The following TYMS variants were observed in gnomAD, a reference collection of about 807,000 sequenced individuals.
TYMS encodes thymidylate synthase.
A neutral mutation model predicts 39.3 loss-of-function variants in TYMS; 21 were observed. That is an observed-to-expected ratio of 0.54 (90% CI 0.38 to 0.77). TYMS has a LOEUF of 0.77. Among genes scored for constraint, TYMS ranks in the 30% least tolerant of loss-of-function variants. The probability of loss-of-function intolerance (pLI) is 0.00; values close to 1 mark genes in which losing one functional copy is unlikely to be tolerated. For missense variants in TYMS, 273 were observed against 406.7 expected, an observed-to-expected ratio of 0.67 and a Z score of 2.83; for synonymous variants, 171 against 162.2, an observed-to-expected ratio of 1.05 and a Z score of -0.41.
intron 2 of TYMS, 149 bp from the exon 3 acceptor site, chr18:661,997 G>T: frequency 1.3e-6 from 1 of 766,758 alleles, no homozygotes; most frequent in Admixed American, 2.7e-5. Context: ...ACAAAAAAAA[G>T]GATGGGTTCC....
In TYMS at chr18:658,351, G is replaced by T; in HGVS notation, c.205+404G>T. The stretch of plus-strand genomic sequence containing the variant: ...TTTGGCCCCTCCTCCGTTTTCCCCT[G>T]TGGACCATTCCGCTTCGCAGCGTTT... On this transcript the variant is annotated intron_variant, in intron 1 of 6. Coordinates refer to ENST00000323274, the MANE Select transcript of TYMS (RefSeq NM_001071.4). The surrounding 1 kb of genome is among the most constrained non-coding windows in gnomAD (Gnocchi z 4.5). 2 of 1,318,856 alleles carry T rather than the reference G, an allele frequency of 1.5e-6. No individual in the cohort carries two copies. Among genetic ancestry groups the T allele is most frequent in the Middle Eastern group, 2.3e-4 (1 of 4,368 alleles). 81.7% of individuals were successfully genotyped at this position (1,318,856 alleles called of 1,614,324 possible).
rs2144250886 is a variant in TYMS at position 657,791 on chromosome 18, G to A, written c.49G>A (p.Ala17Thr). 2.7e-6 allele frequency: 4 copies of A among 1,456,496 alleles called. No individual in the cohort carries two copies. Among genetic ancestry groups the A allele is most frequent in the South Asian group, 1.4e-5 (1 of 71,322 alleles). The allele number at this position is 1,456,496 out of a possible 1,614,324, so 90.2% of individuals were successfully genotyped here. ...GCCGCGCCGGCCCTTGCCCCCCGCC[G>A]CACAGGAGCGGGACGCCGAGCCGCG... ...ELPRRPLPPA[A>T]QERDAEPRPP... The change falls in exon 1 of 7, where the codon GCA becomes ACA. Residue 17 changes from alanine (A) to threonine (T), a missense_variant. This residue lies in a region of TYMS where 228 missense variants were observed against 326.1 expected (regional missense o/e 0.70). Coordinates refer to ENST00000323274, the MANE Select transcript of TYMS (RefSeq NM_001071.4).
intron 2 of TYMS, among the ~76,000 whole-genome samples, 177 bp downstream of exon 2, chr18:659,891 G>A (rs1290506095): frequency 6.6e-6 from 1 of 152,068 alleles, no homozygotes; most frequent in Non-Finnish European, 1.5e-5. Context: ...GGCCAACATG[G>A]CGACACCCCA....
In TYMS at chr18:667,346, A is replaced by AGATGGT. The variant is rs1275104027; in HGVS notation, c.455-1714_455-1709dup. On this transcript the variant is annotated intron_variant, in intron 3 of 6. Coordinates refer to ENST00000323274, the MANE Select transcript of TYMS (RefSeq NM_001071.4). ...GTGATGGTGATGGAGATGGTGATGG[A>AGATGGT]GATGGTGATGGTGATGGAGATGGTG... Among the ~76,000 whole-genome samples the AGATGGT allele has an allele frequency of 1.4e-3, 12 of 8,606 alleles. 2 individuals are homozygous for AGATGGT. The highest frequency in any genetic ancestry group is 2.8e-3 in the Admixed American group (2 of 724). 5.6% of individuals were successfully genotyped at this position (8,606 alleles called of 152,430 possible).
At chr18:671,091 C>A in intron 5 of TYMS, 1 of 628,840 alleles carries the variant, frequency 1.6e-6, no homozygotes, top group East Asian at 2.8e-5. Context: ...GTTTGTGATA[C>A]AGCTTCTATG....
intron 2 of TYMS, among the ~76,000 whole-genome samples, chr18:661,429 TC>T (rs1236968211): frequency 6.6e-6 from 1 of 152,242 alleles, no homozygotes; most frequent in Non-Finnish European, 1.5e-5. Flanking sequence ...ATTAGGAATA[TC>T]CTGTATGCCA....
chr18:664,087 A>T (rs2074783574), intron 3 of TYMS, among the ~76,000 whole-genome samples: 1 of 146,820 alleles, frequency 6.8e-6, no homozygotes, highest in Non-Finnish European at 1.5e-5. Flanking sequence ...GATGGCATTG[A>T]ATCTATAAAT....
At position 658,618 on chromosome 18, in the gene TYMS, C is replaced by A; in HGVS notation, c.205+671C>A. On this transcript the variant is annotated intron_variant, in intron 1 of 6. Coordinates refer to ENST00000323274, the MANE Select transcript of TYMS (RefSeq NM_001071.4). The surrounding 1 kb of genome is among the most constrained non-coding windows in gnomAD (Gnocchi z 4.5). Reference sequence around the variant, plus strand: ...AAAATGTCTCGCGGGTCATTGGCGCCAGGCTTTCAGGGGACAGTGGGGCGG... The same window carrying A: ...AAAATGTCTCGCGGGTCATTGGCGCAAGGCTTTCAGGGGACAGTGGGGCGG... 1 of 219,734 alleles carries A rather than the reference C, an allele frequency of 4.6e-6. No individual in the cohort carries two copies. Among genetic ancestry groups the A allele is most frequent in the Non-Finnish European group, 8.9e-6 (1 of 111,892 alleles). 13.6% of individuals were successfully genotyped at this position (219,734 alleles called of 1,614,324 possible). A position where few individuals can be genotyped will look rare whatever the true frequency, so the allele number is the denominator to read the frequency against.
At chr18:666,169 A>G (rs1337961956) in intron 3 of TYMS, among the ~76,000 whole-genome samples, 4 of 149,236 alleles carry the variant, frequency 2.7e-5, no homozygotes, top group South Asian at 4.3e-4. Context: ...TGTAGGTCAG[A>G]TGATTGGCAC....
At chr18:665,161 G>C (rs1443638762) in intron 3 of TYMS, among the ~76,000 whole-genome samples, 1 of 150,170 alleles carries the variant, frequency 6.7e-6, no homozygotes, top group African/African-American at 2.5e-5. Flanking sequence ...ACTCTTTTTG[G>C]TTGGTAAGCT....
Position 658,734 on chromosome 18 carries a change from G to A in TYMS, c.205+787G>A. The A allele has an allele frequency of 4.7e-6, 1 of 212,934 alleles. No homozygotes were observed. The highest frequency in any genetic ancestry group is 9.4e-6 in the Non-Finnish European group (1 of 106,216). 13.2% of individuals were successfully genotyped at this position (212,934 alleles called of 1,614,324 possible). On this transcript the variant is annotated intron_variant, in intron 1 of 6. Transcript: ENST00000323274. This position sits in a 1 kb window ranked among gnomAD's most constrained non-coding sequence, Gnocchi z 4.5. ...CTGGATCCTGCGCCAGCTGCGCGGG[G>A]GAGGGGACTCGAAGGTGTGTGAGCC...
At chr18:669,426 G>C (rs1475321706) in intron 4 of TYMS, 2 of 340,416 alleles carry the variant, frequency 5.9e-6, no homozygotes, top group Non-Finnish European at 1.1e-5. Context: ...AGGCTGGAAT[G>C]CAACGGCGTG....
At position 658,510 on chromosome 18, in the gene TYMS, T is replaced by C; in HGVS notation, c.205+563T>C. 1 of 339,242 alleles carries C rather than the reference T, an allele frequency of 2.9e-6. No homozygotes were observed. The highest frequency in any genetic ancestry group is 1.1e-3 in the Middle Eastern group (1 of 912). 21.0% of individuals were successfully genotyped at this position (339,242 alleles called of 1,614,324 possible). A position where few individuals can be genotyped will look rare whatever the true frequency, so the allele number is the denominator to read the frequency against. On this transcript the variant is annotated intron_variant, in intron 1 of 6. Coordinates refer to ENST00000323274, the MANE Select transcript of TYMS (RefSeq NM_001071.4). This position sits in a 1 kb window ranked among gnomAD's most constrained non-coding sequence, Gnocchi z 4.5. ...CACGAACCAGCTTTCCTCTTAAACC[T>C]TGAAAAGAGAAATTCGGGAGTTCGA...
chr18:673,094 T>A lies in TYMS; in HGVS notation c.*97T>A. ...TTTTTGCTCTAAAAGAAAAAGGAACTAGGTCAAAAATCTGTCCGTGACCTA... is the reference window on the plus strand; with the variant it reads ...TTTTTGCTCTAAAAGAAAAAGGAACAAGGTCAAAAATCTGTCCGTGACCTA... On this transcript the variant is annotated 3_prime_UTR_variant, in exon 7 of 7. Transcript: ENST00000323274. 1 of 1,336,698 alleles carries A rather than the reference T, an allele frequency of 7.5e-7. No homozygotes were observed. The highest frequency in any genetic ancestry group is 1.0e-6 in the Non-Finnish European group (1 of 1,000,256). The allele number at this position is 1,336,698 out of a possible 1,614,324, so 82.8% of individuals were successfully genotyped here.
At chr18:664,940 T>C (rs796484326) in intron 3 of TYMS, among the ~76,000 whole-genome samples, 5 of 144,706 alleles carry the variant, frequency 3.5e-5, no homozygotes, top group South Asian at 4.5e-4. Context: ...TTGAGGAATT[T>C]TGCATCAATG....
chr18:658,410 C>G lies in TYMS; in HGVS notation c.205+463C>G. The G allele has an allele frequency of 3.4e-6, 4 of 1,187,300 alleles. No homozygotes were observed. The highest frequency in any genetic ancestry group is 4.4e-6 in the Non-Finnish European group (4 of 914,932). The allele number at this position is 1,187,300 out of a possible 1,614,324, so 73.5% of individuals were successfully genotyped here. ...TGGAGCGAAAGTGATGTGGGCGGGG[C>G]AAAGGCGGCGGGAAGAGGAGAGCAC... On this transcript the variant is annotated intron_variant, in intron 1 of 6. Coordinates refer to ENST00000323274, the MANE Select transcript of TYMS (RefSeq NM_001071.4). This position sits in a 1 kb window ranked among gnomAD's most constrained non-coding sequence, Gnocchi z 4.5.
At chr18:661,831 C>A (rs968224628) in intron 2 of TYMS, among the ~76,000 whole-genome samples, 1 of 152,166 alleles carries the variant, frequency 6.6e-6, no homozygotes, top group African/African-American at 2.4e-5. Flanking sequence ...ACTAAAAATA[C>A]AAAATTAGCT....
chr18:664,251 T>A (rs1446527052), intron 3 of TYMS, among the ~76,000 whole-genome samples: 1 of 151,838 alleles, frequency 6.6e-6, no homozygotes, highest in Admixed American at 6.6e-5. Flanking sequence ...TAAGGTGGAT[T>A]CCTAGGTATT....
At chr18:671,324 A>C in intron 5 of TYMS, 56 bp from the exon 6 acceptor site, 1 of 1,117,644 alleles carries the variant, frequency 8.9e-7, no homozygotes, top group Non-Finnish European at 1.4e-6. Context: ...TTTTTAAATG[A>C]TGTTTTAAAG....
Sources: allele counts gnomAD v4.1 joint callset (sites outside exome capture counted in the v4.1 genomes callset), GRCh38; gene constraint gnomAD v4.1.1; regional missense constraint gnomAD v4.1.1; non-coding constraint Gnocchi (gnomAD v3.1); transcripts MANE v1.5; gene names NCBI Gene and HGNC (gene_info 2026-07-23, HGNC 2026-07-21).